HDAC9: variants seen among roughly 807,000 people sequenced by gnomAD.
HDAC9 encodes the protein MEF-2 interacting transcription repressor (MITR) protein.
HDAC9 carries 41 observed loss-of-function variants against 139.4 expected under a neutral mutation model. That is an observed-to-expected ratio of 0.29 (90% CI 0.23 to 0.38). The LOEUF is 0.38. Among genes scored for constraint, HDAC9 ranks in the 10% least tolerant of loss-of-function variants. The pLI is 1.00. For synonymous variants in HDAC9, 517 were observed against 476.2 expected (o/e 1.09, Z -1.12); for missense variants, 1,147 against 1,297.0 (o/e 0.88, Z 1.78).
intron 14 of HDAC9, among the ~76,000 whole-genome samples, chr7:18,759,506 T>C (rs1262932447): frequency 6.6e-6 from 1 of 152,040 alleles, no homozygotes; most frequent in Non-Finnish European, 1.5e-5. Context: ...GGGGACCATC[T>C]AGTTGCAGGA....
At position 18,496,317 on chromosome 7, in the gene HDAC9, C is replaced by G. The variant is rs199565230; in HGVS notation, c.15C>G (p.Ile5Met). ...CTCAGCAAAGAATGCACAGTATGAT[C>G]AGCTCAGGTAAGATCCTCTTTCATA... is the stretch of plus-strand genomic sequence containing the variant. MHSM[I>M]SSVDVKSEVP... The change falls in exon 2 of 26, where the codon ATC (isoleucine) becomes ATG (methionine). Residue 5 changes from isoleucine (I) to methionine (M), a missense_variant. Ile to Met is a conservative substitution (Grantham distance 10). This residue lies in a region of HDAC9 where 136 missense variants were observed against 183.5 expected (regional missense o/e 0.74). Transcript: ENST00000686413. 1.3e-4 allele frequency: 203 copies of G among 1,612,878 alleles called. No individual in the cohort carries two copies. Among genetic ancestry groups the G allele is most frequent in the Non-Finnish European group, 1.7e-4 (198 of 1,179,296 alleles).
chr7:18,578,235 C>T (rs755157895), intron 2 of HDAC9: 1 of 519,002 alleles, frequency 1.9e-6, no homozygotes, highest in East Asian at 5.4e-5. Flanking sequence ...AGCAGTAGTG[C>T]AGCCCTAATT....
chr7:18,361,230 A>G (rs1783751686), intron 1 of HDAC9, among the ~76,000 whole-genome samples: 1 of 152,154 alleles, frequency 6.6e-6, no homozygotes, highest in Non-Finnish European at 1.5e-5. Context: ...TAGCAAGGAG[A>G]AAAACTGGGT....
chr7:18,733,184 TATAC>T (rs1470128963), intron 13 of HDAC9, among the ~76,000 whole-genome samples: 1 of 148,580 alleles, frequency 6.7e-6, no homozygotes, highest in Non-Finnish European at 1.5e-5. Flanking sequence ...TATATGTGTC[TATAC>T]ATATATACAC....
At chr7:18,989,576 A>AT (rs1785686439) in intron 25 of HDAC9, among the ~76,000 whole-genome samples, 1 of 150,278 alleles carries the variant, frequency 6.7e-6, no homozygotes, top group East Asian at 2.0e-4. Flanking sequence ...CGTTCTCTGT[A>AT]TTTCCTGAAT....
intron 1 of HDAC9, among the ~76,000 whole-genome samples, chr7:18,330,688 A>T (rs575488553): frequency 1.3e-5 from 2 of 151,634 alleles, no homozygotes; most frequent in Non-Finnish European, 3.0e-5. Context: ...CTTATAACAC[A>T]TGCCAAAATT....
chr7:18,986,380 T>C (rs1785351963), intron 25 of HDAC9, among the ~76,000 whole-genome samples: 2 of 47,822 alleles, frequency 4.2e-5, no homozygotes, highest in African/African-American at 1.7e-4. Context: ...CAGATAGTTG[T>C]AGATATGTGG....
chr7:18,534,335 G>GT (rs1810127566), intron 2 of HDAC9, among the ~76,000 whole-genome samples: 1 of 152,052 alleles, frequency 6.6e-6, no homozygotes, highest in Admixed American at 6.6e-5. Flanking sequence ...CAGGAGGGCT[G>GT]TTTGAGACCA....
intron 1 of HDAC9, among the ~76,000 whole-genome samples, chr7:18,299,790 C>A (rs972864356): frequency 5.9e-5 from 9 of 152,126 alleles, no homozygotes; most frequent in Admixed American, 1.3e-4. Flanking sequence ...AGGGGCTCTG[C>A]AATGTAGATC....
intron 1 of HDAC9, among the ~76,000 whole-genome samples, chr7:18,352,186 T>G (rs1782900317): frequency 6.6e-6 from 1 of 152,216 alleles, no homozygotes; most frequent in Non-Finnish European, 1.5e-5. Context: ...TAAGGTTTCC[T>G]TAGGCTGTCT....
intron 2 of HDAC9, among the ~76,000 whole-genome samples, chr7:18,267,523 C>T (rs965333606): frequency 2.0e-5 from 3 of 152,024 alleles, no homozygotes; most frequent in Non-Finnish European, 4.4e-5. Flanking sequence ...AGAATTCTAC[C>T]TATAAGTGAG....
intron 12 of HDAC9, among the ~76,000 whole-genome samples, chr7:18,706,411 G>C (rs1249992645): frequency 2.0e-5 from 3 of 152,028 alleles, no homozygotes; most frequent in Non-Finnish European, 4.4e-5. Context: ...CAATAAAATT[G>C]AATGCTTTCA....
chr7:18,563,861 G>T (rs1284148658), intron 2 of HDAC9, among the ~76,000 whole-genome samples: 2 of 147,060 alleles, frequency 1.4e-5, no homozygotes, highest in South Asian at 2.2e-4. Context: ...TTTTGAGACG[G>T]ATTCTTGCTG....
intron 1 of HDAC9, among the ~76,000 whole-genome samples, chr7:18,293,698 A>G (rs930839460): frequency 6.6e-6 from 1 of 152,126 alleles, no homozygotes; most frequent in Non-Finnish European, 1.5e-5. Flanking sequence ...GTCTGTCATT[A>G]GAGACAGATT....
chr7:18,589,874 T>A (rs559841527), intron 3 of HDAC9, among the ~76,000 whole-genome samples: 2 of 152,316 alleles, frequency 1.3e-5, no homozygotes, highest in East Asian at 3.9e-4. Flanking sequence ...TTCCCCCAAA[T>A]TAATTTAATA....
At chr7:18,228,562 G>A (rs1328875212) in intron 2 of HDAC9, among the ~76,000 whole-genome samples, 1 of 152,124 alleles carries the variant, frequency 6.6e-6, no homozygotes, top group Non-Finnish European at 1.5e-5. Context: ...CCAGGCCATG[G>A]GGTGAGACCA....
chr7:18,608,166 A>G (rs192891256), intron 6 of HDAC9, among the ~76,000 whole-genome samples: 1 of 152,278 alleles, frequency 6.6e-6, no homozygotes, highest in East Asian at 1.9e-4. Context: ...TAATGAAGTA[A>G]ATTAAGAGAT....
In HDAC9 at chr7:18,360,520, A is replaced by G. The variant is rs1417827858; in HGVS notation, c.-42+70005A>G. 3.9e-5 allele frequency among the ~76,000 whole-genome samples: 6 copies of G among 152,300 alleles called. No homozygotes were observed. The South Asian group carries it at 6.2e-4, about 16-fold the overall frequency. ...AGAGGCCTCTCCATTTGCTGTGGAA[A>G]AAAAGGAGAATTTAAGAATTACCGT... On this transcript the variant is annotated intron_variant, in intron 1 of 3. Transcript: ENST00000413509.
chr7:18,827,460 T>A (rs1253696969), intron 17 of HDAC9, among the ~76,000 whole-genome samples: 1 of 152,136 alleles, frequency 6.6e-6, no homozygotes, highest in African/African-American at 2.4e-5. Flanking sequence ...ATTATCCTTC[T>A]ACAAGCAGCA....
Sources: gnomAD v4.1 joint callset for allele counts (sites outside exome capture counted in the v4.1 genomes callset) on GRCh38, gnomAD v4.1.1 for gene constraint, gnomAD v4.1.1 regional missense constraint, MANE v1.5 for transcripts, NCBI Gene and HGNC (gene_info 2026-07-23, HGNC 2026-07-21) for gene names.